The following CYP2J2 variants were observed in gnomAD, a reference collection of about 807,000 sequenced individuals.
CYP2J2 encodes the protein cytochrome P450 family 2 subfamily J member 2, also known as cytochrome P450 2J2.
Under a neutral mutation model 48.8 loss-of-function variants are expected in CYP2J2, and 41 were observed. That is an observed-to-expected ratio of 0.84 (90% confidence interval 0.66 to 1.09). The LOEUF is 1.09. CYP2J2 is among the 50% of genes least tolerant of loss of function. CYP2J2 has a pLI of 0.00. For synonymous variants in CYP2J2, 221 were observed against 227.1 expected (o/e 0.97, Z 0.24); for missense variants, 644 against 617.3 (o/e 1.04, Z -0.46).
chr1:59,910,838 C>T (rs1394292591), intron 4 of CYP2J2, among the ~76,000 whole-genome samples: 1 of 151,954 alleles, frequency 6.6e-6, no homozygotes, highest in African/African-American at 2.4e-5. Context: ...GAGTTTTTGA[C>T]AAAGACTCAA....
chr1:59,927,136 T>A (rs1348766251), upstream of CYP2J2, among the ~76,000 whole-genome samples: 1 of 152,162 alleles, frequency 6.6e-6, no homozygotes, highest in African/African-American at 2.4e-5. Context: ...AGATTATTAT[T>A]TCATTTTGAC....
chr1:59,966,916 G>A, the CYP2J2 span, among the ~76,000 whole-genome samples: 4 of 152,042 alleles, frequency 2.6e-5, no homozygotes, highest in Non-Finnish European at 5.9e-5. Context: ...GCCTTTCTAA[G>A]TATTGGTGGT....
chr1:59,893,326 G>T lies in CYP2J2; in HGVS notation c.*325C>A. On this transcript the variant is annotated 3_prime_UTR_variant, in exon 9 of 9. Coordinates refer to ENST00000371204, the MANE Select transcript of CYP2J2 (RefSeq NM_000775.4). ...GGCACACTATAGATAGAACTTTTAT[G>T]ATGTGTTTTATGGTTTACAAACCAC... The T allele has an allele frequency of 4.6e-6, 1 of 216,284 alleles. No individual in the cohort carries two copies. 13.4% of individuals were successfully genotyped at this position (216,284 alleles called of 1,614,324 possible).
At chr1:59,932,040 T>C in the CYP2J2 span, among the ~76,000 whole-genome samples, 1 of 152,146 alleles carries the variant, frequency 6.6e-6, no homozygotes, top group East Asian at 1.9e-4. Context: ...TTTTACTAAG[T>C]AGTAACTTGG....
chr1:59,937,772 T>C, the CYP2J2 span, among the ~76,000 whole-genome samples: 5 of 152,256 alleles, frequency 3.3e-5, no homozygotes, highest in South Asian at 6.2e-4. Context: ...CGTTCTTTTG[T>C]TTCTTCTGAT....
intron 6 of CYP2J2, among the ~76,000 whole-genome samples, chr1:59,907,534 T>G (rs954512979): frequency 1.3e-5 from 2 of 152,228 alleles, no homozygotes; most frequent in African/African-American, 2.4e-5. Context: ...CAATGTCGAC[T>G]GACTTCGTTG....
the CYP2J2 span, among the ~76,000 whole-genome samples, chr1:59,945,377 G>T: frequency 6.6e-6 from 1 of 151,642 alleles, no homozygotes; most frequent in Admixed American, 6.6e-5. Flanking sequence ...ATCTTAATCA[G>T]AAAGTAAAAT....
chr1:59,906,890 T>C (rs1440403664), intron 6 of CYP2J2, among the ~76,000 whole-genome samples: 2 of 152,234 alleles, frequency 1.3e-5, no homozygotes, highest in African/African-American at 4.8e-5. Flanking sequence ...CACTCTGATC[T>C]TTTCTATTTT....
At chr1:59,900,907 C>A (rs377339449) in intron 8 of CYP2J2, 58 bp downstream of exon 8, 3 of 1,572,682 alleles carry the variant, frequency 1.9e-6, no homozygotes, top group South Asian at 2.3e-5. Flanking sequence ...CAGGAGAGAG[C>A]AGGGGAGGGC....
the CYP2J2 span, among the ~76,000 whole-genome samples, chr1:59,951,569 C>T: frequency 3.9e-5 from 6 of 152,166 alleles, no homozygotes; most frequent in African/African-American, 1.4e-4. Context: ...TTATCTATCT[C>T]TTGGATCATA....
chr1:59,927,786 T>C (rs1319467259), upstream of CYP2J2, among the ~76,000 whole-genome samples: 1 of 152,152 alleles, frequency 6.6e-6, no homozygotes, highest in Non-Finnish European at 1.5e-5. Flanking sequence ...TTGGTCAGGC[T>C]GGTCTCAATC....
At chr1:59,921,586 C>T (rs907230284) in intron 1 of CYP2J2, among the ~76,000 whole-genome samples, 4 of 152,026 alleles carry the variant, frequency 2.6e-5, no homozygotes, top group South Asian at 2.1e-4. Flanking sequence ...TATCTTGCCA[C>T]GGCTCTTCTA....
the CYP2J2 span, among the ~76,000 whole-genome samples, chr1:59,953,184 C>T: frequency 6.6e-6 from 1 of 152,066 alleles, no homozygotes; most frequent in Admixed American, 6.6e-5. Flanking sequence ...TGTCAGAGCC[C>T]AGGGAAGTTC....
At chr1:59,900,681 G>A (rs902967646) in intron 8 of CYP2J2, among the ~76,000 whole-genome samples, 3 of 152,174 alleles carry the variant, frequency 2.0e-5, no homozygotes, top group Non-Finnish European at 4.4e-5. Flanking sequence ...TTGTGAGCTG[G>A]TGGTGGAGTC....
At chr1:59,898,879 A>G (rs1644292723) in intron 8 of CYP2J2, among the ~76,000 whole-genome samples, 1 of 152,210 alleles carries the variant, frequency 6.6e-6, no homozygotes, top group Non-Finnish European at 1.5e-5. Context: ...GGTGCAATAC[A>G]CCTCTCAATA....
the CYP2J2 span, among the ~76,000 whole-genome samples, chr1:59,949,762 G>T: frequency 2.0e-5 from 3 of 149,394 alleles, no homozygotes; most frequent in South Asian, 6.4e-4. Context: ...GCTCTCAGCA[G>T]ATATTTATTT....
chr1:59,909,487 C>T (rs1644392861), intron 5 of CYP2J2, among the ~76,000 whole-genome samples: 2 of 152,170 alleles, frequency 1.3e-5, no homozygotes, highest in Admixed American at 1.3e-4. Context: ...GTGCTTCTGG[C>T]TTTGAAGATG....
At chr1:59,954,330 G>A in the CYP2J2 span, among the ~76,000 whole-genome samples, 1 of 152,112 alleles carries the variant, frequency 6.6e-6, no homozygotes, top group Non-Finnish European at 1.5e-5. Flanking sequence ...AAATCACTTT[G>A]GTTCAGTTAA....
the CYP2J2 span, among the ~76,000 whole-genome samples, chr1:59,968,700 A>AG: frequency 1.2e-4 from 18 of 152,166 alleles, no homozygotes; most frequent in Non-Finnish European, 2.5e-4. Context: ...AAAAGGCCCG[A>AG]GGGGGGACCA....
Sources: allele counts gnomAD v4.1 joint callset (sites outside exome capture counted in the v4.1 genomes callset), GRCh38; gene constraint gnomAD v4.1.1; transcripts MANE v1.5; gene names NCBI Gene and HGNC (gene_info 2026-07-23, HGNC 2026-07-21).